CHCHD4: variants seen among roughly 807,000 people sequenced by gnomAD.
CHCHD4 encodes mitochondrial intermembrane space import and assembly protein 40.
In CHCHD4, 7 loss-of-function variants were observed where a neutral mutation model predicts 12.4. The observed-to-expected ratio is 0.57, with a 90% CI of 0.32 to 1.06. The LOEUF (loss-of-function observed/expected upper bound fraction) is 1.06. CHCHD4 is among the 50% of genes least tolerant of loss of function. The probability of loss-of-function intolerance (pLI) is 0.04; values close to 1 mark genes in which losing one functional copy is unlikely to be tolerated. For synonymous variants in CHCHD4, 56 were observed against 58.0 expected (o/e 0.97, Z 0.16); for missense variants, 143 against 175.1 (o/e 0.82, Z 1.03).
chr3:14,113,677 C>A (rs1406111526), intron 2 of CHCHD4, among the ~76,000 whole-genome samples: 1 of 152,034 alleles, frequency 6.6e-6, no homozygotes, highest in African/African-American at 2.4e-5. Context: ...CTCAGCATAG[C>A]CTGGGGACTG....
Position 14,124,825 on chromosome 3 carries a change from C to G in CHCHD4, c.-149G>C. ...CCAGGCCTGCCCGCCGCGCGCCTGC[C>G]TCGGCGCCCTCGCAACCGCGGCCAG... is the stretch of plus-strand genomic sequence containing the variant. On this transcript the variant is annotated 5_prime_UTR_variant, in exon 1 of 3. Transcript: ENST00000396914. The G allele has an allele frequency of 4.3e-6, 4 of 924,420 alleles. No individual in the cohort carries two copies. Among genetic ancestry groups the G allele is most frequent in the Non-Finnish European group, 6.3e-6 (4 of 631,772 alleles). 57.3% of individuals were successfully genotyped at this position (924,420 alleles called of 1,614,324 possible).
chr3:14,119,237 C>G (rs1339031043), intron 1 of CHCHD4: 1 of 152,222 alleles, frequency 6.6e-6, no homozygotes, highest in African/African-American at 2.4e-5. Flanking sequence ...ATTTTTGTCC[C>G]ATGCAATGTG....
At chr3:14,122,106 T>C (rs772752915) in intron 1 of CHCHD4, 5 of 1,560,408 alleles carry the variant, frequency 3.2e-6, no homozygotes, top group Non-Finnish European at 3.5e-6. Context: ...AAAAGGAGGG[T>C]TTTAAGTAGT....
intron 1 of CHCHD4, chr3:14,121,895 T>A (rs1694938951): frequency 6.2e-7 from 1 of 1,614,128 alleles, no homozygotes; most frequent in East Asian, 2.2e-5. Context: ...AATGCAAGTG[T>A]TAGAAGTTTA....
chr3:14,113,843 A>C (rs1004671603), intron 2 of CHCHD4, among the ~76,000 whole-genome samples: 1 of 152,242 alleles, frequency 6.6e-6, no homozygotes, highest in African/African-American at 2.4e-5. Context: ...GGCAGGAAGC[A>C]AGGTTATAGA....
chr3:14,115,369 CA>C (rs1159580388), intron 2 of CHCHD4, among the ~76,000 whole-genome samples: 1 of 136,968 alleles, frequency 7.3e-6, no homozygotes, highest in Non-Finnish European at 1.5e-5. Context: ...GTGAGGCAAA[CA>C]AAACAAGGCC....
intron 1 of CHCHD4, among the ~76,000 whole-genome samples, chr3:14,123,624 G>T (rs1222543379): frequency 6.6e-6 from 1 of 152,154 alleles, no homozygotes; most frequent in African/African-American, 2.4e-5. Flanking sequence ...ATTCACCAAA[G>T]AATTTCTGGG....
intron 2 of CHCHD4, among the ~76,000 whole-genome samples, chr3:14,114,410 T>C (rs1019151411): frequency 7.2e-5 from 11 of 152,206 alleles, no homozygotes; most frequent in African/African-American, 2.7e-4. Context: ...AACCCCAGTT[T>C]ACTCATGCAG....
chr3:14,114,395 C>T (rs373600831), intron 2 of CHCHD4, among the ~76,000 whole-genome samples: 18 of 152,160 alleles, frequency 1.2e-4, no homozygotes, highest in Middle Eastern at 3.2e-3. Flanking sequence ...GCAGTGGGTG[C>T]TACTAACCCC....
In CHCHD4 at chr3:14,124,837, G is replaced by A; in HGVS notation, c.-161C>T. 1 of 833,502 alleles carries A rather than the reference G, an allele frequency of 1.2e-6. No homozygotes were observed. Among genetic ancestry groups the A allele is most frequent in the Middle Eastern group, 2.5e-4 (1 of 3,978 alleles). The allele number at this position is 833,502 out of a possible 1,614,324, so 51.6% of individuals were successfully genotyped here. A position where few individuals can be genotyped will look rare whatever the true frequency, so the allele number is the denominator to read the frequency against. ...GCCGCGCGCCTGCCTCGGCGCCCTC[G>A]CAACCGCGGCCAGGCCAACCTCAGC... is the stretch of plus-strand genomic sequence containing the variant. On this transcript the variant is annotated 5_prime_UTR_variant, in exon 1 of 3. Transcript: ENST00000396914.
At chr3:14,123,074 G>A (rs1203373190) in intron 1 of CHCHD4, among the ~76,000 whole-genome samples, 2 of 152,066 alleles carry the variant, frequency 1.3e-5, no homozygotes, top group Non-Finnish European at 2.9e-5. Flanking sequence ...GACTTCTTAC[G>A]GGGACAGTGG....
chr3:14,112,862 G>A lies in CHCHD4; in HGVS notation c.*25C>T. 1 of 1,587,058 alleles carries A rather than the reference G, an allele frequency of 6.3e-7. No homozygotes were observed. The highest frequency in any genetic ancestry group is 8.6e-7 in the Non-Finnish European group (1 of 1,165,732). On this transcript the variant is annotated 3_prime_UTR_variant, in exon 3 of 3. Transcript: ENST00000396914. ...GCAAAAGGTCCACTCCAAAAGGACT[G>A]GTGCCCAGTGCCTTGTGGCCTTCAT...
At chr3:14,120,650 GCTC>G (rs1442177437) in intron 1 of CHCHD4, among the ~76,000 whole-genome samples, 1 of 152,188 alleles carries the variant, frequency 6.6e-6, no homozygotes, top group African/African-American at 2.4e-5. Context: ...TGGAATGTCA[GCTC>G]CTCAGAGGCA....
At chr3:14,122,329 AG>A (rs1694944271) in intron 1 of CHCHD4, among the ~76,000 whole-genome samples, 1 of 152,240 alleles carries the variant, frequency 6.6e-6, no homozygotes, top group South Asian at 2.1e-4. Context: ...CCACCATGCC[AG>A]GAGGGCAGAG....
Position 14,121,702 on chromosome 3 carries a change from CAG to C in CHCHD4, c.22+2951_22+2952del, listed in dbSNP as rs1409540521. On this transcript the variant is annotated intron_variant, in intron 1 of 2. Transcript: ENST00000396914. ...TCAACCCAAGAAAGAGATCTAAAGC[CAG>C]AGGGAGTGGTGCCTGTGGTGTATTT... Among the ~76,000 whole-genome samples the C allele has an allele frequency of 3.3e-5, 5 of 152,294 alleles. No homozygotes were observed. In the East Asian group the frequency reaches 7.7e-4, roughly 23 times the overall value.
intron 1 of CHCHD4, among the ~76,000 whole-genome samples, chr3:14,122,820 T>C (rs1331789281): frequency 6.6e-6 from 1 of 152,100 alleles, no homozygotes; most frequent in Non-Finnish European, 1.5e-5. Flanking sequence ...GGAGGTGATA[T>C]TGGAGCTAAA....
chr3:14,119,837 C>A (rs1409259145), intron 1 of CHCHD4, among the ~76,000 whole-genome samples: 1 of 152,126 alleles, frequency 6.6e-6, no homozygotes, highest in South Asian at 2.1e-4. Context: ...AGAAACCAGG[C>A]CTTACCACCA....
chr3:14,113,290 C>T (rs1694841639), intron 2 of CHCHD4, 96 bp from the exon 3 acceptor site: 3 of 973,150 alleles, frequency 3.1e-6, no homozygotes, highest in Non-Finnish European at 3.1e-6. Flanking sequence ...AGAACAGGAA[C>T]TATTGTTGCC....
Position 14,116,489 on chromosome 3 carries a change from G to C in CHCHD4, c.58C>G (p.His20Asp). ...DRIIFVTKEDHETPSSAELVA... is the reference protein window; with the variant it reads ...DRIIFVTKEDDETPSSAELVA... ...AATTCTGCACTGCTTGGAGTTTCATGATCTTCTTTGGTTACAAATATGATT... is the reference window on the plus strand; with the variant it reads ...AATTCTGCACTGCTTGGAGTTTCATCATCTTCTTTGGTTACAAATATGATT... Residue 20 changes from histidine to aspartate, a missense_variant, in exon 2 of 3, where the codon CAT becomes GAT. Transcript: ENST00000396914. 1.2e-6 allele frequency: 2 copies of C among 1,613,394 alleles called. No individual in the cohort carries two copies. The highest frequency in any genetic ancestry group is 1.7e-6 in the Non-Finnish European group (2 of 1,179,340).
Sources: gnomAD v4.1 joint callset for allele counts (sites outside exome capture counted in the v4.1 genomes callset) on GRCh38, gnomAD v4.1.1 for gene constraint, MANE v1.5 for transcripts, NCBI Gene and HGNC (gene_info 2026-07-23, HGNC 2026-07-21) for gene names.